The following SUCO variants were observed in gnomAD, a reference collection of about 807,000 sequenced individuals.
SUCO encodes SUN domain-containing ossification factor.
Under a neutral mutation model 148.1 loss-of-function variants are expected in SUCO, and 57 were observed. The observed-to-expected ratio is 0.38, with a 90% CI of 0.31 to 0.48. The LOEUF is 0.48. Among genes scored for constraint, SUCO ranks in the 20% least tolerant of loss-of-function variants. The pLI, the probability that SUCO is intolerant of heterozygous loss-of-function variation, is 0.96. For synonymous variants in SUCO, 470 were observed against 502.7 expected (o/e 0.93, Z 0.87); for missense variants, 1,331 against 1,468.2 (o/e 0.91, Z 1.53).
intron 3 of SUCO, chr1:172,555,479 A>AATTTATTTCCTAATATAAG: frequency 1.1e-6 from 1 of 910,714 alleles, no homozygotes; most frequent in Non-Finnish European, 1.3e-6. Context: ...TTATTGATAC[A>AATTTATTTCCTAATATAAG]CATTATTTCC....
intron 15 of SUCO, among the ~76,000 whole-genome samples, chr1:172,581,658 A>C (rs971856273): frequency 6.6e-6 from 1 of 152,210 alleles, no homozygotes; most frequent in African/African-American, 2.4e-5. Flanking sequence ...GAGTTTGACT[A>C]TAATCATCAC....
At chr1:172,586,136 T>G (rs1374196083) in intron 17 of SUCO, among the ~76,000 whole-genome samples, 188 bp downstream of exon 17, 1 of 151,918 alleles carries the variant, frequency 6.6e-6, no homozygotes, top group African/African-American at 2.4e-5. Flanking sequence ...ATATGCATAC[T>G]GGGAATATAA....
At chr1:172,602,494 G>A in intron 21 of SUCO, 2 of 982,532 alleles carry the variant, frequency 2.0e-6, no homozygotes, top group Non-Finnish European at 2.4e-6. Flanking sequence ...AAAGGAAGAA[G>A]AGAATACTAT....
chr1:172,581,888 AT>A (rs1655906844), intron 15 of SUCO, among the ~76,000 whole-genome samples: 1 of 152,178 alleles, frequency 6.6e-6, no homozygotes, highest in African/African-American at 2.4e-5. Flanking sequence ...CTGCATAAAC[AT>A]TCTTGATATT....
intron 15 of SUCO, among the ~76,000 whole-genome samples, chr1:172,583,528 C>T (rs1288564105): frequency 6.6e-6 from 1 of 152,090 alleles, no homozygotes; most frequent in East Asian, 1.9e-4. Flanking sequence ...AGGATGAGCT[C>T]CAGGCAGCAC....
chr1:172,590,235 T>C, intron 18 of SUCO: 1 of 703,606 alleles, frequency 1.4e-6, no homozygotes, highest in Non-Finnish European at 1.7e-6. Context: ...TTTTTCTGCT[T>C]GATTCCCAGA....
chr1:172,590,716 G>A (rs745382188), intron 18 of SUCO, among the ~76,000 whole-genome samples: 2 of 152,130 alleles, frequency 1.3e-5, no homozygotes, highest in Non-Finnish European at 2.9e-5. Context: ...AATCATGTGT[G>A]TGTGTGTGTT....
At chr1:172,563,657 G>A (rs1412470018) in intron 6 of SUCO, among the ~76,000 whole-genome samples, 1 of 152,198 alleles carries the variant, frequency 6.6e-6, no homozygotes, top group Non-Finnish European at 1.5e-5. Context: ...CGGAAGCAGA[G>A]TATAAAAGTT....
intron 22 of SUCO, among the ~76,000 whole-genome samples, chr1:172,607,754 A>AG (rs1657954253): frequency 2.0e-5 from 3 of 151,966 alleles, no homozygotes; most frequent in African/African-American, 7.2e-5. Flanking sequence ...AATAGACATC[A>AG]TTATTAAAGA....
chr1:172,570,881 CTTCCT>C (rs1295382285), intron 9 of SUCO, 151 bp downstream of exon 9: 5 of 527,280 alleles, frequency 9.5e-6, no homozygotes, highest in Admixed American at 7.3e-5. Context: ...GACAAAATGC[CTTCCT>C]TTCCTTTTGA....
upstream of SUCO, chr1:172,532,822 C>G: frequency 1.9e-6 from 3 of 1,578,084 alleles, no homozygotes; most frequent in Non-Finnish European, 2.6e-6. Flanking sequence ...AGGGGAAATG[C>G]TGAGGATCAC....
chr1:172,560,090 TA>T (rs1223747386), intron 6 of SUCO, among the ~76,000 whole-genome samples: 1 of 152,164 alleles, frequency 6.6e-6, no homozygotes, highest in African/African-American at 2.4e-5. Flanking sequence ...GGATAACTGA[TA>T]GGGGCCCAGA....
chr1:172,595,966 T>C (rs1179707187), intron 19 of SUCO, among the ~76,000 whole-genome samples: 1 of 152,204 alleles, frequency 6.6e-6, no homozygotes, highest in Non-Finnish European at 1.5e-5. Flanking sequence ...CTTGGAGTCC[T>C]TGTTCATTTG....
At chr1:172,532,405 C>A (rs1651648607), upstream of SUCO, 14 of 1,249,046 alleles carry the variant, frequency 1.1e-5, no homozygotes, top group Non-Finnish European at 1.6e-5. Context: ...AAGTGAGGAA[C>A]CCGGCAAGCG....
intron 2 of SUCO, chr1:172,552,685 C>G: frequency 1.1e-6 from 1 of 946,956 alleles, no homozygotes; most frequent in Non-Finnish European, 1.3e-6. Context: ...TTCACCCACA[C>G]AGTATATAAG....
At chr1:172,592,112 CT>C (rs1164137051) in intron 19 of SUCO, among the ~76,000 whole-genome samples, 1 of 152,184 alleles carries the variant, frequency 6.6e-6, no homozygotes, top group East Asian at 1.9e-4. Context: ...CCTTTCCCTA[CT>C]TTTTGATGGG....
chr1:172,602,808 A>G, intron 22 of SUCO, 21 bp downstream of exon 22: 1 of 1,564,458 alleles, frequency 6.4e-7, no homozygotes, highest in Non-Finnish European at 8.8e-7. Flanking sequence ...GTGGATATAT[A>G]ATATGTATAT....
At position 172,579,832 on chromosome 1, in the gene SUCO, A is replaced by C. The variant is rs375308742; in HGVS notation, c.1498+565A>C. On this transcript the variant is annotated intron_variant, in intron 15 of 23. Coordinates refer to ENST00000263688, the MANE Select transcript of SUCO (RefSeq NM_014283.5). ...TTACCTGACTGACACTTTATTTTTC[A>C]TGGTTAGATTCTGTGTAGGTATATT... 2.0e-5 allele frequency among the ~76,000 whole-genome samples: 3 copies of C among 152,272 alleles called. No homozygotes were observed. The East Asian group carries it at 5.8e-4, about 29-fold the overall frequency.
chr1:172,591,215 T>C (rs1656636213), intron 19 of SUCO, 144 bp downstream of exon 19: 4 of 558,010 alleles, frequency 7.2e-6, no homozygotes, highest in Middle Eastern at 3.7e-4. Flanking sequence ...TGTGATGTCA[T>C]GTTTGGAAAG....
Sources: gnomAD v4.1 joint callset for allele counts (sites outside exome capture counted in the v4.1 genomes callset) on GRCh38, gnomAD v4.1.1 for gene constraint, MANE v1.5 for transcripts, NCBI Gene and HGNC (gene_info 2026-07-23, HGNC 2026-07-21) for gene names.